ALMS1: variants seen among roughly 807,000 people sequenced by gnomAD.
The protein encoded by ALMS1 is centrosome-associated protein ALMS1.
A neutral mutation model predicts 352.2 loss-of-function variants in ALMS1; 271 were observed. The ratio of observed to expected loss-of-function variants is 0.77; its 90% CI spans 0.70 to 0.85. ALMS1 has a LOEUF of 0.85. Among genes scored for constraint, ALMS1 ranks in the 40% least tolerant of loss-of-function variants. The pLI is 0.00. For synonymous variants in ALMS1, 1,865 were observed against 1,761.2 expected, an observed-to-expected ratio of 1.06 and a Z score of -1.48; for missense variants, 5,445 against 4,870.7, an observed-to-expected ratio of 1.12 and a Z score of -3.51.
At chr2:73,567,970 A>C (rs1386192631) in intron 15 of ALMS1, among the ~76,000 whole-genome samples, 1 of 152,202 alleles carries the variant, frequency 6.6e-6, no homozygotes, top group Non-Finnish European at 1.5e-5. Flanking sequence ...CAATTTTAAA[A>C]AATTGAGAAA....
At chr2:73,543,386 C>A (rs927993747) in intron 12 of ALMS1, among the ~76,000 whole-genome samples, 8 of 152,056 alleles carry the variant, frequency 5.3e-5, no homozygotes, top group Admixed American at 1.3e-4. Context: ...TAAAGACTTA[C>A]ATGTTAGACC....
At chr2:73,511,457 A>G (rs1190398400) in intron 10 of ALMS1, among the ~76,000 whole-genome samples, 1 of 151,276 alleles carries the variant, frequency 6.6e-6, no homozygotes, top group African/African-American at 2.4e-5. Context: ...GAATGAGGCG[A>G]CACCCCCACC....
In ALMS1 at chr2:73,491,046, A is replaced by T. The variant is rs1483293195; in HGVS notation, c.9087A>T (p.Thr3029=). 1.2e-6 allele frequency: 2 copies of T among 1,614,240 alleles called. No individual in the cohort carries two copies. Among genetic ancestry groups the T allele is most frequent in the East Asian group, 2.2e-5 (1 of 44,886 alleles). Residue 3029 remains threonine, a synonymous_variant, in exon 10 of 23, where the codon ACA becomes ACT. Coordinates refer to ENST00000613296, the MANE Select transcript of ALMS1 (RefSeq NM_001378454.1). The part of the protein sequence containing the change: ...VVSQSAPNHC[T]LAASASTPPS... ...CCCAGTCAGCCCCAAATCACTGTAC[A>T]TTAGCAGCATCTGCATCTACTCCTC...
intron 16 of ALMS1, among the ~76,000 whole-genome samples, chr2:73,584,741 A>G (rs540953074): frequency 6.6e-6 from 1 of 152,286 alleles, no homozygotes; most frequent in Non-Finnish European, 1.5e-5. Flanking sequence ...CCTGAGCAGT[A>G]TACACTGCAC....
At chr2:73,444,079 A>G (rs1353720592) in intron 7 of ALMS1, among the ~76,000 whole-genome samples, 1 of 151,800 alleles carries the variant, frequency 6.6e-6, no homozygotes, top group African/African-American at 2.4e-5. Flanking sequence ...TAACCTTACT[A>G]CCTTAGGTTG....
chr2:73,460,896 C>T (rs992364976), intron 9 of ALMS1, among the ~76,000 whole-genome samples: 1 of 152,156 alleles, frequency 6.6e-6, no homozygotes, highest in Non-Finnish European at 1.5e-5. Context: ...GGGGGAGGGG[C>T]GCCTGCCATT....
chr2:73,478,656 G>GTTTATTTA (rs70965737), intron 9 of ALMS1, among the ~76,000 whole-genome samples: 17 of 150,124 alleles, frequency 1.1e-4, no homozygotes, highest in African/African-American at 3.7e-4. Context: ...TAATTTATTC[G>GTTTATTTA]TTTATTTATT....
chr2:73,539,811 G>T (rs11899128), intron 12 of ALMS1, among the ~76,000 whole-genome samples: 2,448 of 152,264 alleles, frequency 0.016, 66 homozygotes, highest in African/African-American at 0.056. Flanking sequence ...CAAGCGAGAA[G>T]AGAAGTTTAG....
chr2:73,593,452 C>G (rs1176041278), intron 16 of ALMS1, among the ~76,000 whole-genome samples: 2 of 152,116 alleles, frequency 1.3e-5, no homozygotes, highest in African/African-American at 4.8e-5. Flanking sequence ...CAAGGTTGAT[C>G]TTTTTCTGAT....
chr2:73,389,978 C>T (rs182013480), intron 1 of ALMS1, among the ~76,000 whole-genome samples: 6 of 152,264 alleles, frequency 3.9e-5, no homozygotes, highest in Admixed American at 2.6e-4. Context: ...TGAGCCACCG[C>T]GCCCGGCCTC....
At chr2:73,460,738 A>G (rs2091503) in intron 9 of ALMS1, among the ~76,000 whole-genome samples, 75,539 of 152,154 alleles carry the variant, frequency 0.5, 21,570 homozygotes, top group East Asian at 0.77. Context: ...TCACTCCCAC[A>G]CTAATACTGC....
chr2:73,571,462 C>T (rs1482238582), intron 15 of ALMS1, among the ~76,000 whole-genome samples: 1 of 152,106 alleles, frequency 6.6e-6, no homozygotes, highest in African/African-American at 2.4e-5. Flanking sequence ...TGTCTTGTTG[C>T]TTTGTCCTCA....
At chr2:73,568,741 A>G (rs2104093226) in intron 15 of ALMS1, among the ~76,000 whole-genome samples, 1 of 152,294 alleles carries the variant, frequency 6.6e-6, no homozygotes, top group South Asian at 2.1e-4. Flanking sequence ...CTGCAGTTCT[A>G]GGTATGAAAG....
intron 9 of ALMS1, among the ~76,000 whole-genome samples, chr2:73,464,303 A>G (rs1366826391): frequency 2.0e-5 from 3 of 152,244 alleles, no homozygotes; most frequent in African/African-American, 7.2e-5. Context: ...ATGCAAATCA[A>G]TAAACGTAAT....
chr2:73,599,176 C>A (rs1675617679), intron 16 of ALMS1, among the ~76,000 whole-genome samples: 1 of 151,984 alleles, frequency 6.6e-6, no homozygotes, highest in South Asian at 2.1e-4. Context: ...AATAGCCAGG[C>A]TTTTTTTTGT....
rs1019293474 is a variant in ALMS1, at chr2:73,453,938, G to A, written c.7411G>A (p.Gly2471Ser). The A allele has an allele frequency of 1.2e-6, 2 of 1,613,906 alleles. No individual in the cohort carries two copies. The highest frequency in any genetic ancestry group is 1.7e-6 in the Non-Finnish European group (2 of 1,180,014). Residue 2471 changes from glycine to serine, a missense_variant, in exon 8 of 23, where the codon GGT becomes AGT. Transcript: ENST00000613296. Reference sequence around the variant, plus strand: ...AGAGGGTGTGTCAGAGAGTGAGGATGGTGGTGGTAGCAGTGTAGATTCACT... The same window carrying A: ...AGAGGGTGTGTCAGAGAGTGAGGATAGTGGTGGTAGCAGTGTAGATTCACT... Reference protein sequence around the residue: ...EEEGVSESEDGGGSSVDSLAA... With the variant: ...EEEGVSESEDSGGSSVDSLAA...
intron 9 of ALMS1, among the ~76,000 whole-genome samples, chr2:73,462,476 C>T (rs987138176): frequency 1.3e-5 from 2 of 152,196 alleles, no homozygotes; most frequent in African/African-American, 4.8e-5. Context: ...TGGAAAGGAA[C>T]AACTGGTACC....
At chr2:73,488,102 G>A (rs894198861) in intron 9 of ALMS1, among the ~76,000 whole-genome samples, 4 of 152,206 alleles carry the variant, frequency 2.6e-5, no homozygotes, top group African/African-American at 7.2e-5. Context: ...TAAAGGTGGA[G>A]CTTCACTGGT....
intron 9 of ALMS1, among the ~76,000 whole-genome samples, chr2:73,479,694 T>C (rs1672655298): frequency 6.6e-6 from 1 of 152,200 alleles, no homozygotes; most frequent in Non-Finnish European, 1.5e-5. Context: ...CATATGCAAG[T>C]TTTTGTGTGA....
Sources: allele counts gnomAD v4.1 joint callset (sites outside exome capture counted in the v4.1 genomes callset), GRCh38; gene constraint gnomAD v4.1.1; transcripts MANE v1.5; gene names NCBI Gene and HGNC (gene_info 2026-07-23, HGNC 2026-07-21).